Variants in PINK1 observed in about 807,000 individuals in gnomAD.
The protein encoded by PINK1 is serine/threonine-protein kinase PINK1, mitochondrial.
PINK1 carries 58 observed loss-of-function variants against 56.0 expected under a neutral mutation model. The ratio of observed to expected loss-of-function variants is 1.04; its 90% confidence interval spans 0.84 to 1.29. The LOEUF (loss-of-function observed/expected upper bound fraction) is 1.29. PINK1 is among the 50% of genes most tolerant of loss of function. The pLI is 0.00. For missense variants in PINK1, 745 were observed against 777.9 expected (o/e 0.96, Z 0.50); for synonymous variants, 354 against 339.3 (o/e 1.04, Z -0.48).
chr1:20,638,217 G>A (rs2053077702), intron 2 of PINK1, 88 bp downstream of exon 2: 2 of 1,473,246 alleles, frequency 1.4e-6, no homozygotes, highest in Non-Finnish European at 1.8e-6. Flanking sequence ...CAGGAAGTAG[G>A]TAGGAAAAGA....
chr1:20,645,231 G>A (rs1397299152), intron 4 of PINK1, among the ~76,000 whole-genome samples: 1 of 152,166 alleles, frequency 6.6e-6, no homozygotes, highest in Non-Finnish European at 1.5e-5. Flanking sequence ...GCTGACGCCT[G>A]TAATCCCAGC....
In PINK1 at chr1:20,649,242, C is replaced by T. The variant is rs766947217; in HGVS notation, c.1488+11C>T. ...CGAGAGGCCAGCAAGGTGAGGCTGT[C>T]CCCGGCTTCGAGGGGACGGTGTGGG... On this transcript the variant is annotated intron_variant, in intron 7 of 7. Coordinates refer to ENST00000321556, the MANE Select transcript of PINK1 (RefSeq NM_032409.3). 9.3e-6 allele frequency: 15 copies of T among 1,613,298 alleles called. No homozygotes were observed. Among genetic ancestry groups the T allele is most frequent in the African/African-American group, 1.3e-5 (1 of 75,030 alleles).
chr1:20,645,684 G>A lies in PINK1; in HGVS notation c.1084G>A (p.Asp362Asn), dbSNP rs1400562167. 1.5e-5 allele frequency: 25 copies of A among 1,614,088 alleles called. No homozygotes were observed. Among genetic ancestry groups the A allele is most frequent in the Non-Finnish European group, 2.1e-5 (25 of 1,180,036 alleles). ...GGTTCAACAGGGCATCGCGCACAGA[G>A]ACCTGAAATCCGACAACATCCTTGT... Reference protein sequence around the residue: ...HLVQQGIAHRDLKSDNILVEL... With the variant: ...HLVQQGIAHRNLKSDNILVEL... The change falls in exon 5 of 8, where the codon GAC becomes AAC. Residue 362 changes from aspartate to asparagine, a missense_variant. Coordinates refer to ENST00000321556, the MANE Select transcript of PINK1 (RefSeq NM_032409.3).
intron 3 of PINK1, among the ~76,000 whole-genome samples, 159 bp from the exon 4 acceptor site, chr1:20,644,331 C>T (rs778345855): frequency 6.6e-6 from 1 of 152,228 alleles, no homozygotes; most frequent in African/African-American, 2.4e-5. Context: ...TGTTCTCCAA[C>T]ACCATGTACA....
chr1:20,645,722 A>G lies in PINK1; in HGVS notation c.1122A>G (p.Pro374=). Residue 374 remains proline (P), a splice_region_variant and synonymous_variant, in exon 5 of 8, where the codon CCA becomes CCG. Transcript: ENST00000321556. ...KSDNILVELD[P]DGCPWLVIAD... ...ACAACATCCTTGTGGAGCTGGACCC[A>G]GGTAGGAACCTGCTGCACCATCAGA... 1.2e-6 allele frequency: 2 copies of G among 1,614,130 alleles called. No homozygotes were observed. The highest frequency in any genetic ancestry group is 1.1e-5 in the South Asian group (1 of 91,086).
chr1:20,633,498 C>A lies in PINK1; in HGVS notation c.-51C>A. The stretch of plus-strand genomic sequence containing the variant: ...AGTTTGTTGTGACCGGCGGGGGACG[C>A]CGGTGGTGGCGGCAGCGGCGGCTGC... On this transcript the variant is annotated 5_prime_UTR_variant, in exon 1 of 8. Coordinates refer to ENST00000321556, the MANE Select transcript of PINK1 (RefSeq NM_032409.3). The A allele has an allele frequency of 9.0e-7, 1 of 1,105,988 alleles. No homozygotes were observed. The highest frequency in any genetic ancestry group is 1.1e-6 in the Non-Finnish European group (1 of 907,996). The allele number at this position is 1,105,988 out of a possible 1,614,324, so 68.5% of individuals were successfully genotyped here. A position where few individuals can be genotyped will look rare whatever the true frequency, so the allele number is the denominator to read the frequency against.
In PINK1 at chr1:20,645,525, T is replaced by G. The variant is rs554415859; in HGVS notation, c.960-35T>G. 1.4e-4 allele frequency: 227 copies of G among 1,596,708 alleles called. 1 individual carries two copies. The highest frequency in any genetic ancestry group is 1.8e-4 in the Non-Finnish European group (216 of 1,170,764). On this transcript the variant is annotated intron_variant, in intron 4 of 7. Coordinates refer to ENST00000321556, the MANE Select transcript of PINK1 (RefSeq NM_032409.3). ...AAAAACGTATTGGGAGTCGTCGATG[T>G]GTGGTAGCCAGAGGCCCTCTCCCCT...
chr1:20,644,168 G>T (rs2053148364), intron 3 of PINK1, among the ~76,000 whole-genome samples: 2 of 152,174 alleles, frequency 1.3e-5, no homozygotes, highest in African/African-American at 4.8e-5. Context: ...TACAGTGGCA[G>T]ACCTGGAATG....
chr1:20,645,122 G>T (rs1192945097), intron 4 of PINK1, among the ~76,000 whole-genome samples: 3 of 152,154 alleles, frequency 2.0e-5, no homozygotes, highest in Non-Finnish European at 2.9e-5. Context: ...GAACAGAAAG[G>T]ATGCTGGGGA....
chr1:20,645,447 C>G, intron 4 of PINK1, 113 bp from the exon 5 acceptor site: 3 of 1,230,598 alleles, frequency 2.4e-6, no homozygotes, highest in Non-Finnish European at 3.4e-6. Flanking sequence ...CAAGATCGTG[C>G]TACTGCACTC....
In PINK1 at chr1:20,638,098, C is replaced by T. The variant is rs371854396; in HGVS notation, c.644C>T (p.Pro215Leu). ...CGAGCTCCGGGGGCCCCTGCCTTCC[C>T]CTTGGCCATCAAGATGATGTGGAAC... ...QERAPGAPAF[P>L]LAIKMMWNIS... The change falls in exon 2 of 8, where the codon CCC becomes CTC. Residue 215 changes from proline (P) to leucine (L), a missense_variant. By Grantham distance (98) the Pro-to-Leu change is moderately conservative. Transcript: ENST00000321556. The T allele has an allele frequency of 3.1e-6, 5 of 1,613,374 alleles. No individual in the cohort carries two copies. The highest frequency in any genetic ancestry group is 4.2e-6 in the Non-Finnish European group (5 of 1,180,016).
Position 20,645,800 on chromosome 1 carries a change from A to AGGTCCTCTCTGGTTTTGT in PINK1, c.1123+79_1123+96dup, listed in dbSNP as rs1553146592. The AGGTCCTCTCTGGTTTTGT allele has an allele frequency of 1.2e-5, 18 of 1,555,054 alleles. No individual in the cohort carries two copies. The East Asian group carries it at 4.1e-4, about 35-fold the overall frequency. ...CAGGAGCATTTAGGACTGACTCTTC[A>AGGTCCTCTCTGGTTTTGT]GGTCCTCTCTGGTTTTGTGTTCTAA... is the stretch of plus-strand genomic sequence containing the variant. On this transcript the variant is annotated intron_variant, in intron 5 of 7. Coordinates refer to ENST00000321556, the MANE Select transcript of PINK1 (RefSeq NM_032409.3).
At position 20,633,574 on chromosome 1, in the gene PINK1, G is replaced by A; in HGVS notation, c.26G>A (p.Arg9His). The A allele has an allele frequency of 8.3e-7, 1 of 1,197,768 alleles. No homozygotes were observed. The highest frequency in any genetic ancestry group is 1.0e-6 in the Non-Finnish European group (1 of 966,694). 74.2% of individuals were successfully genotyped at this position (1,197,768 alleles called of 1,614,324 possible). A position where few individuals can be genotyped will look rare whatever the true frequency, so the allele number is the denominator to read the frequency against. Residue 9 changes from arginine (R) to histidine (H), a missense_variant, in exon 1 of 8, where the codon CGC becomes CAC. Coordinates refer to ENST00000321556, the MANE Select transcript of PINK1 (RefSeq NM_032409.3). ...ATGGCGGTGCGACAGGCGCTGGGCC[G>A]CGGCCTGCAGCTGGGTCGAGCGCTG... The part of the protein sequence containing the change: MAVRQALG[R>H]GLQLGRALLL...
In PINK1 at chr1:20,650,454, C is replaced by T. The variant is rs768447159; in HGVS notation, c.1509C>T (p.Ala503=). 8.1e-6 allele frequency: 13 copies of T among 1,613,850 alleles called. No individual in the cohort carries two copies. The highest frequency in any genetic ancestry group is 1.3e-5 in the African/African-American group (1 of 74,892). The change falls in exon 8 of 8, where the codon GCC becomes GCT. Residue 503 remains alanine, a synonymous_variant. Coordinates refer to ENST00000321556, the MANE Select transcript of PINK1 (RefSeq NM_032409.3). ...TGCAGAGACCATCTGCCCGAGTAGC[C>T]GCAAATGTGCTTCATCTAAGCCTCT... ...EASKRPSARV[A]ANVLHLSLWG... is the part of the protein sequence containing the mutation.
In PINK1 at chr1:20,633,947, C is replaced by G. The variant is rs956355350; in HGVS notation, c.387+12C>G. 1 of 1,356,484 alleles carries G rather than the reference C, an allele frequency of 7.4e-7. No homozygotes were observed. The highest frequency in any genetic ancestry group is 9.7e-7 in the Non-Finnish European group (1 of 1,031,250). 84.0% of individuals were successfully genotyped at this position (1,356,484 alleles called of 1,614,324 possible). ...GTCAGGAGATCCAGGTGAGCGGGGCCGGGTCCTAAGCCGAGCGGAGGACGG... is the reference window on the plus strand; with the variant it reads ...GTCAGGAGATCCAGGTGAGCGGGGCGGGGTCCTAAGCCGAGCGGAGGACGG... On this transcript the variant is annotated intron_variant, in intron 1 of 7. Coordinates refer to ENST00000321556, the MANE Select transcript of PINK1 (RefSeq NM_032409.3).
chr1:20,638,600 G>A, intron 2 of PINK1: 1 of 235,836 alleles, frequency 4.2e-6, no homozygotes, highest in Non-Finnish European at 8.3e-6. Flanking sequence ...CAAGATTGTG[G>A]CACTGCACTC....
chr1:20,644,930 C>T (rs2053159567), intron 4 of PINK1, among the ~76,000 whole-genome samples: 1 of 152,232 alleles, frequency 6.6e-6, no homozygotes, highest in South Asian at 2.1e-4. Flanking sequence ...TGACTGTTAA[C>T]CTTTTCTGTG....
chr1:20,645,057 T>C (rs1436131051), intron 4 of PINK1, among the ~76,000 whole-genome samples: 1 of 152,182 alleles, frequency 6.6e-6, no homozygotes, highest in Non-Finnish European at 1.5e-5. Context: ...ACCATTACTT[T>C]GAATATAGGG....
chr1:20,649,817 T>C (rs376846977), intron 7 of PINK1: 2 of 162,056 alleles, frequency 1.2e-5, no homozygotes, highest in African/African-American at 2.4e-5. Flanking sequence ...GGAGGCATTT[T>C]TGAGAAATGT....
Sources: gnomAD v4.1 joint callset for allele counts (sites outside exome capture counted in the v4.1 genomes callset) on GRCh38, gnomAD v4.1.1 for gene constraint, MANE v1.5 for transcripts, NCBI Gene and HGNC (gene_info 2026-07-23, HGNC 2026-07-21) for gene names.